Variants in NLGN1 observed in about 807,000 individuals in gnomAD.
NLGN1 encodes neuroligin 1, also known as neuroligin-1.
NLGN1 carries 12 observed loss-of-function variants against 65.5 expected under a neutral mutation model. The ratio of observed to expected loss-of-function variants is 0.18; its 90% CI spans 0.12 to 0.30. NLGN1 has a LOEUF of 0.30. Ranked by LOEUF, NLGN1 falls within the 10% of genes least tolerant of loss-of-function variation. The pLI, the probability that NLGN1 is intolerant of heterozygous loss-of-function variation, is 1.00. For synonymous variants in NLGN1, 350 were observed against 359.5 expected, an observed-to-expected ratio of 0.97 and a Z score of 0.30; for missense variants, 750 against 1,007.1, an observed-to-expected ratio of 0.74 and a Z score of 3.46.
chr3:174,080,001 A>G (rs114973751), intron 4 of NLGN1, among the ~76,000 whole-genome samples: 1,541 of 152,288 alleles, frequency 0.01, 31 homozygotes, highest in African/African-American at 0.034. Context: ...AAGTTTATCT[A>G]TGTAACAAAC....
intron 2 of NLGN1, among the ~76,000 whole-genome samples, chr3:173,456,681 A>G (rs1722563637): frequency 6.6e-6 from 1 of 152,070 alleles, no homozygotes; most frequent in African/African-American, 2.4e-5. Flanking sequence ...GATGTGGAAA[A>G]TCACCCAGGT....
intron 3 of NLGN1, among the ~76,000 whole-genome samples, chr3:173,805,256 G>A (rs1384951519): frequency 6.6e-6 from 1 of 151,718 alleles, no homozygotes. Flanking sequence ...TAAATCTCAG[G>A]GTTACTTAAA....
At chr3:174,141,390 C>T (rs1722247544) in intron 4 of NLGN1, among the ~76,000 whole-genome samples, 1 of 150,872 alleles carries the variant, frequency 6.6e-6, no homozygotes, top group Non-Finnish European at 1.5e-5. Context: ...CAAAATGTCT[C>T]ATGTGAAGAA....
chr3:174,271,905 T>TA (rs1749473440), intron 4 of NLGN1, among the ~76,000 whole-genome samples: 2 of 151,740 alleles, frequency 1.3e-5, no homozygotes, highest in Admixed American at 1.3e-4. Flanking sequence ...TACTAATTGT[T>TA]AAAGTTTTAC....
At chr3:173,864,981 A>G (rs577783726) in intron 4 of NLGN1, among the ~76,000 whole-genome samples, 2 of 152,286 alleles carry the variant, frequency 1.3e-5, no homozygotes, top group South Asian at 4.1e-4. Flanking sequence ...TGGGAATATA[A>G]CAAAAAGTAT....
At chr3:174,019,902 C>A (rs1727388097) in intron 4 of NLGN1, among the ~76,000 whole-genome samples, 1 of 152,050 alleles carries the variant, frequency 6.6e-6, no homozygotes, top group Non-Finnish European at 1.5e-5. Flanking sequence ...TCACTAAAAT[C>A]TGGCCCTCAG....
At chr3:174,047,576 A>G (rs1160287337) in intron 4 of NLGN1, among the ~76,000 whole-genome samples, 1 of 152,082 alleles carries the variant, frequency 6.6e-6, no homozygotes, top group Non-Finnish European at 1.5e-5. Context: ...GAGAGATAAG[A>G]TAAATGAAAA....
In NLGN1 at chr3:174,050,791, T is replaced by C. The variant is rs374308585; in HGVS notation, c.647-224524T>C. ...TAGTTTTAAGATTAAAGTGAACATA[T>C]GAGTGTTGAAGAACATTCTAGGATT... On this transcript the variant is annotated intron_variant, in intron 4 of 6. Transcript: ENST00000457714. Among the ~76,000 whole-genome samples, 36 of 152,088 alleles carry C rather than the reference T, an allele frequency of 2.4e-4. 1 individual carries two copies. In the East Asian group the frequency reaches 5.8e-3, roughly 25 times the overall value.
At position 174,201,562 on chromosome 3, in the gene NLGN1, A is replaced by G. The variant is rs370220170; in HGVS notation, c.647-73753A>G. On this transcript the variant is annotated intron_variant, in intron 4 of 6. Coordinates refer to ENST00000457714, the Ensembl canonical transcript of NLGN1. ...CCCCTCTCAGCAATAGGCAGGTTAC[A>G]AATTACAGCCTAGTGATCTAGAAAT... Among the ~76,000 whole-genome samples the G allele has an allele frequency of 2.8e-4, 4 of 14,386 alleles. No homozygotes were observed. The East Asian group carries it at 0.014, about 51-fold the overall frequency. The allele number at this position is 14,386 out of a possible 152,430, so 9.4% of individuals were successfully genotyped here. A position where few individuals can be genotyped will look rare whatever the true frequency, so the allele number is the denominator to read the frequency against.
intron 4 of NLGN1, among the ~76,000 whole-genome samples, chr3:174,251,627 A>G (rs1365070686): frequency 6.6e-6 from 1 of 152,232 alleles, no homozygotes; most frequent in Non-Finnish European, 1.5e-5. Context: ...TAAAAACCCT[A>G]AAGAGCACAT....
At chr3:173,937,655 G>C (rs1020169665) in intron 4 of NLGN1, among the ~76,000 whole-genome samples, 1 of 152,212 alleles carries the variant, frequency 6.6e-6, no homozygotes, top group Middle Eastern at 3.4e-3. Flanking sequence ...GTGATGGTTA[G>C]AGATAAATTA....
chr3:173,576,597 C>T (rs964960520), intron 2 of NLGN1, among the ~76,000 whole-genome samples: 1 of 152,156 alleles, frequency 6.6e-6, no homozygotes, highest in African/African-American at 2.4e-5. Flanking sequence ...TCTGTTATCA[C>T]ATCTCTTACT....
intron 3 of NLGN1, among the ~76,000 whole-genome samples, chr3:173,743,308 G>A (rs1774916092): frequency 6.6e-6 from 1 of 152,124 alleles, no homozygotes; most frequent in South Asian, 2.1e-4. Context: ...ATTCTGAGTA[G>A]CTTGTCCTAG....
rs138600608 is a variant in NLGN1 at position 173,487,621 on chromosome 3, A to G, written c.-321+52543A>G. On this transcript the variant is annotated intron_variant, in intron 2 of 6. Coordinates refer to ENST00000457714, the Ensembl canonical transcript of NLGN1. ...ATTCTCTTTATAATTCAAGTTATTTATGTATTTTGCAACAATATTGTTAAG... is the reference window on the plus strand; with the variant it reads ...ATTCTCTTTATAATTCAAGTTATTTGTGTATTTTGCAACAATATTGTTAAG... Among the ~76,000 whole-genome samples the G allele has an allele frequency of 1.4e-4, 22 of 152,118 alleles. No individual in the cohort carries two copies. The East Asian group carries it at 4.1e-3, about 28-fold the overall frequency.
At chr3:173,819,810 C>A (rs1719853537) in intron 4 of NLGN1, among the ~76,000 whole-genome samples, 1 of 152,156 alleles carries the variant, frequency 6.6e-6, no homozygotes, top group Non-Finnish European at 1.5e-5. Context: ...CATACGTAAT[C>A]AAAAGTCATC....
intron 3 of NLGN1, among the ~76,000 whole-genome samples, chr3:173,712,035 T>C (rs1161025414): frequency 6.6e-6 from 1 of 152,178 alleles, no homozygotes; most frequent in African/African-American, 2.4e-5. Flanking sequence ...CTACAGAGTA[T>C]TGGGTTTCTG....
intron 2 of NLGN1, among the ~76,000 whole-genome samples, chr3:173,508,970 A>G (rs1457955629): frequency 6.6e-6 from 1 of 151,916 alleles, no homozygotes; most frequent in African/African-American, 2.4e-5. Flanking sequence ...TAATGCAACA[A>G]TTTTCCATGA....
rs1460406441 is a variant in NLGN1, at chr3:173,885,471, A to G, written c.646+77639A>G. 2.6e-5 allele frequency among the ~76,000 whole-genome samples: 4 copies of G among 152,182 alleles called. No individual in the cohort carries two copies. In the East Asian group the frequency reaches 7.7e-4, roughly 29 times the overall value. On this transcript the variant is annotated intron_variant, in intron 4 of 6. Transcript: ENST00000457714. Reference sequence around the variant, plus strand: ...GTAAAGGCAAGGGAAACACTTTAATACATATTGTAAAACTAAACTACTTAA... The same window carrying G: ...GTAAAGGCAAGGGAAACACTTTAATGCATATTGTAAAACTAAACTACTTAA...
intron 3 of NLGN1, among the ~76,000 whole-genome samples, chr3:173,761,520 T>C (rs1011465329): frequency 4.6e-5 from 7 of 152,052 alleles, no homozygotes; most frequent in Non-Finnish European, 1.0e-4. Flanking sequence ...GCGGGTAGAT[T>C]AGCATGATAT....
Sources: gnomAD v4.1 joint callset for allele counts (sites outside exome capture counted in the v4.1 genomes callset) on GRCh38, gnomAD v4.1.1 for gene constraint, MANE v1.5 for transcripts, NCBI Gene and HGNC (gene_info 2026-07-23, HGNC 2026-07-21) for gene names.